The following VWA8 variants were observed in gnomAD, a reference collection of about 807,000 sequenced individuals.
The protein encoded by VWA8 is von Willebrand factor A domain containing 8.
VWA8 carries 221 observed loss-of-function variants against 241.5 expected under a neutral mutation model. That is an observed-to-expected ratio of 0.91 (90% CI 0.82 to 1.02). VWA8 has a LOEUF of 1.02. Ranked by LOEUF, VWA8 falls within the 50% of genes least tolerant of loss-of-function variation. VWA8 has a pLI of 0.00. For missense variants in VWA8, 2,322 were observed against 2,328.7 expected, an observed-to-expected ratio of 1.00 and a Z score of 0.06; for synonymous variants, 852 against 827.1, an observed-to-expected ratio of 1.03 and a Z score of -0.52.
chr13:41,611,103 T>C (rs1267305864), intron 39 of VWA8, among the ~76,000 whole-genome samples: 2 of 152,182 alleles, frequency 1.3e-5, no homozygotes, highest in African/African-American at 2.4e-5. Flanking sequence ...TCTCTTCCCA[T>C]CTCTAAATCC....
intron 20 of VWA8, among the ~76,000 whole-genome samples, chr13:41,767,215 C>T (rs966475365): frequency 3.9e-5 from 6 of 152,064 alleles, no homozygotes; most frequent in Admixed American, 6.6e-5. Context: ...TTAACAAATA[C>T]CAATTACAAT....
chr13:41,923,679 G>A (rs1876677722), intron 2 of VWA8, among the ~76,000 whole-genome samples: 1 of 151,972 alleles, frequency 6.6e-6, no homozygotes, highest in Admixed American at 6.6e-5. Flanking sequence ...GGAAAGACAA[G>A]AACAGGAGGA....
chr13:41,743,730 G>A (rs1395213571), intron 21 of VWA8, among the ~76,000 whole-genome samples: 1 of 152,098 alleles, frequency 6.6e-6, no homozygotes, highest in Non-Finnish European at 1.5e-5. Flanking sequence ...ATATTTTCCT[G>A]TTTATTAAAT....
At chr13:41,623,832 A>T (rs965717399) in intron 37 of VWA8, among the ~76,000 whole-genome samples, 1 of 152,202 alleles carries the variant, frequency 6.6e-6, no homozygotes, top group Non-Finnish European at 1.5e-5. Context: ...TTCTGAATAT[A>T]CCTGCCTAAA....
At chr13:41,644,209 T>A (rs1022355952) in intron 37 of VWA8, among the ~76,000 whole-genome samples, 1 of 151,916 alleles carries the variant, frequency 6.6e-6, no homozygotes, top group Non-Finnish European at 1.5e-5. Context: ...CTTGGCTCTT[T>A]CAGAGGCTTT....
chr13:41,609,415 T>C (rs562177007), intron 39 of VWA8, among the ~76,000 whole-genome samples: 38 of 152,328 alleles, frequency 2.5e-4, no homozygotes, highest in African/African-American at 8.7e-4. Context: ...ATTATGCAGA[T>C]ACACTTGGAA....
intron 2 of VWA8, among the ~76,000 whole-genome samples, chr13:41,921,055 A>G (rs968667651): frequency 1.3e-5 from 2 of 152,214 alleles, no homozygotes; most frequent in Middle Eastern, 3.2e-3. Flanking sequence ...CTGGCAAACC[A>G]AAAACAGCAG....
chr13:41,856,146 G>A (rs527779713), intron 12 of VWA8, among the ~76,000 whole-genome samples: 4 of 152,012 alleles, frequency 2.6e-5, no homozygotes, highest in African/African-American at 9.7e-5. Context: ...GACCAGCCTG[G>A]CCAATATGGT....
chr13:41,882,024 C>T (rs1415737374), intron 9 of VWA8, among the ~76,000 whole-genome samples: 1 of 146,706 alleles, frequency 6.8e-6, no homozygotes, highest in South Asian at 2.2e-4. Context: ...GGCTTCCGGG[C>T]GGAGGGGCTC....
At chr13:41,940,553 G>T (rs1877552073) in intron 2 of VWA8, among the ~76,000 whole-genome samples, 1 of 152,084 alleles carries the variant, frequency 6.6e-6, no homozygotes, top group South Asian at 2.1e-4. Flanking sequence ...GTCCCTGAGA[G>T]AGGAAGAAAA....
chr13:41,617,882 T>C (rs1340362324), intron 37 of VWA8, among the ~76,000 whole-genome samples: 4 of 144,742 alleles, frequency 2.8e-5, no homozygotes, highest in African/African-American at 1.1e-4. Flanking sequence ...CTTTATCCCG[T>C]CTATTATGGG....
intron 14 of VWA8, among the ~76,000 whole-genome samples, chr13:41,823,460 T>C (rs914909064): frequency 7.9e-5 from 12 of 152,168 alleles, no homozygotes; most frequent in African/African-American, 2.7e-4. Flanking sequence ...CAATATAAAC[T>C]GTTAATAACA....
At chr13:41,643,843 A>C (rs1441057809) in intron 37 of VWA8, among the ~76,000 whole-genome samples, 1 of 151,012 alleles carries the variant, frequency 6.6e-6, no homozygotes, top group Non-Finnish European at 1.5e-5. Flanking sequence ...TTTGCAATCC[A>C]TCCTCTCGGT....
chr13:41,778,146 A>C (rs1868703631), intron 19 of VWA8, 90 bp from the exon 20 acceptor site: 1 of 822,406 alleles, frequency 1.2e-6, no homozygotes, highest in South Asian at 2.7e-5. Context: ...TAGAATATAA[A>C]TATCTATTAT....
chr13:41,597,175 G>A (rs188763171), intron 40 of VWA8, among the ~76,000 whole-genome samples: 1 of 152,080 alleles, frequency 6.6e-6, no homozygotes, highest in Non-Finnish European at 1.5e-5. Context: ...GAGGGTACCT[G>A]TGAACAGCGA....
chr13:41,849,023 G>C (rs577651855), intron 12 of VWA8, among the ~76,000 whole-genome samples: 1 of 152,288 alleles, frequency 6.6e-6, no homozygotes, highest in Admixed American at 6.5e-5. Flanking sequence ...ATTCCTGGAG[G>C]CATGAGTTGA....
intron 12 of VWA8, among the ~76,000 whole-genome samples, chr13:41,850,071 A>G (rs1303144307): frequency 4.6e-5 from 7 of 152,106 alleles, no homozygotes; most frequent in Non-Finnish European, 8.8e-5. Flanking sequence ...GATCATCAAG[A>G]ATAGTAAAAG....
At chr13:41,578,376 C>G (rs1295030383) in intron 42 of VWA8, among the ~76,000 whole-genome samples, 2 of 152,096 alleles carry the variant, frequency 1.3e-5, no homozygotes, top group African/African-American at 4.8e-5. Flanking sequence ...TGGGAGGAAT[C>G]TAAAGTACAT....
chr13:41,615,847 G>T (rs2044617420), intron 37 of VWA8, among the ~76,000 whole-genome samples: 2 of 152,220 alleles, frequency 1.3e-5, no homozygotes, highest in African/African-American at 4.8e-5. Context: ...AATCCTAGTA[G>T]TCAGTTCAGT....
Sources: allele counts gnomAD v4.1 joint callset (sites outside exome capture counted in the v4.1 genomes callset), GRCh38; gene constraint gnomAD v4.1.1; transcripts MANE v1.5; gene names NCBI Gene and HGNC (gene_info 2026-07-23, HGNC 2026-07-21).